The following EPHA7 variants were observed in gnomAD, a reference collection of about 807,000 sequenced individuals.
EPHA7 encodes ephrin type-A receptor 7.
Under a neutral mutation model 112.6 loss-of-function variants are expected in EPHA7, and 25 were observed. The observed-to-expected ratio is 0.22, with a 90% CI of 0.16 to 0.31. EPHA7 has a LOEUF of 0.31. Among genes scored for constraint, EPHA7 ranks in the 10% least tolerant of loss-of-function variants. EPHA7 has a pLI of 1.00. For synonymous variants in EPHA7, 437 were observed against 406.5 expected, an observed-to-expected ratio of 1.07 and a Z score of -0.90; for missense variants, 962 against 1,212.6, an observed-to-expected ratio of 0.79 and a Z score of 3.07.
chr6:93,387,956 T>C (rs1282869673), intron 3 of EPHA7, among the ~76,000 whole-genome samples: 5 of 151,754 alleles, frequency 3.3e-5, no homozygotes, highest in Admixed American at 6.6e-5. Flanking sequence ...GATAGATAGA[T>C]AGATAGATAG....
intron 3 of EPHA7, among the ~76,000 whole-genome samples, chr6:93,394,222 C>T (rs1183675971): frequency 6.6e-6 from 1 of 151,734 alleles, no homozygotes; most frequent in Non-Finnish European, 1.5e-5. Context: ...GCTTCATTGG[C>T]TGAATTTAGT....
At chr6:93,283,770 T>C (rs974046724) in intron 5 of EPHA7, among the ~76,000 whole-genome samples, 2 of 152,128 alleles carry the variant, frequency 1.3e-5, no homozygotes, top group African/African-American at 4.8e-5. Flanking sequence ...GCGGCTTCAT[T>C]CTTGAAGTCA....
At chr6:93,386,003 G>T (rs924553127) in intron 3 of EPHA7, among the ~76,000 whole-genome samples, 2 of 152,048 alleles carry the variant, frequency 1.3e-5, no homozygotes, top group East Asian at 3.9e-4. Context: ...GAACAGCATG[G>T]GCAGCAGAGG....
chr6:93,258,309 T>C, intron 10 of EPHA7, 25 bp from the exon 11 acceptor site: 1 of 1,513,898 alleles, frequency 6.6e-7, no homozygotes, highest in Non-Finnish European at 8.8e-7. Flanking sequence ...CAAGCAGGCA[T>C]ATTTTAGTTT....
At chr6:93,385,744 G>A (rs1777569637) in intron 3 of EPHA7, among the ~76,000 whole-genome samples, 1 of 152,060 alleles carries the variant, frequency 6.6e-6, no homozygotes, top group South Asian at 2.1e-4. Flanking sequence ...TAGATAGATA[G>A]ATAGATAATT....
intron 3 of EPHA7, among the ~76,000 whole-genome samples, chr6:93,391,642 G>A (rs1037832484): frequency 7.2e-5 from 11 of 151,740 alleles, no homozygotes; most frequent in African/African-American, 2.7e-4. Context: ...ATATATTTAT[G>A]AATATATCTA....
At chr6:93,418,040 C>T (rs1301626842) in intron 1 of EPHA7, among the ~76,000 whole-genome samples, 3 of 152,102 alleles carry the variant, frequency 2.0e-5, no homozygotes, top group Non-Finnish European at 4.4e-5. Flanking sequence ...CGATAACCAC[C>T]ATGACCTAAA....
chr6:93,272,566 A>G, intron 5 of EPHA7, 144 bp from the exon 6 acceptor site: 1 of 916,780 alleles, frequency 1.1e-6, no homozygotes, highest in Non-Finnish European at 1.6e-6. Context: ...TTCAGAAGCT[A>G]ATGAATATTC....
At chr6:93,397,845 G>C (rs890139634) in intron 3 of EPHA7, among the ~76,000 whole-genome samples, 1 of 151,926 alleles carries the variant, frequency 6.6e-6, no homozygotes, top group Admixed American at 6.6e-5. Context: ...GGAAGAAAAA[G>C]AAAGTGGCTG....
chr6:93,408,249 T>C (rs1408387520), intron 3 of EPHA7, among the ~76,000 whole-genome samples: 2 of 152,200 alleles, frequency 1.3e-5, no homozygotes, highest in African/African-American at 4.8e-5. Flanking sequence ...TGCATAATAT[T>C]GAAACTGCTC....
rs923507219 is a variant in EPHA7 at position 93,242,498 on chromosome 6, G to A, written c.*928C>T. The A allele has an allele frequency of 1.5e-5, 3 of 198,802 alleles. No individual in the cohort carries two copies. Among genetic ancestry groups the A allele is most frequent in the Non-Finnish European group, 3.1e-5 (3 of 95,940 alleles). 12.3% of individuals were successfully genotyped at this position (198,802 alleles called of 1,614,324 possible). ...CTTGATGTGCTCAGATTAATTTTTAGATAACACTGGATAGTTCTGCTTTCA... is the reference window on the plus strand; with the variant it reads ...CTTGATGTGCTCAGATTAATTTTTAAATAACACTGGATAGTTCTGCTTTCA... On this transcript the variant is annotated 3_prime_UTR_variant, in exon 17 of 17. Coordinates refer to ENST00000369303, the MANE Select transcript of EPHA7 (RefSeq NM_004440.4).
At chr6:93,377,365 C>G (rs2127966804) in intron 3 of EPHA7, among the ~76,000 whole-genome samples, 1 of 151,682 alleles carries the variant, frequency 6.6e-6, no homozygotes, top group African/African-American at 2.4e-5. Flanking sequence ...CCTAACTAAA[C>G]AAAATAAATA....
At chr6:93,419,074 G>A (rs1779395663) in intron 1 of EPHA7, among the ~76,000 whole-genome samples, 171 bp downstream of exon 1, 1 of 152,170 alleles carries the variant, frequency 6.6e-6, no homozygotes, top group Admixed American at 6.5e-5. Context: ...GCCCTGGTTC[G>A]CGCTCGCTGG....
At chr6:93,320,785 A>T (rs368581327) in intron 5 of EPHA7, among the ~76,000 whole-genome samples, 1 of 151,950 alleles carries the variant, frequency 6.6e-6, no homozygotes, top group Non-Finnish European at 1.5e-5. Flanking sequence ...CTAGTATTTA[A>T]TGCTTTAGAG....
At chr6:93,311,866 G>A (rs1466494804) in intron 5 of EPHA7, among the ~76,000 whole-genome samples, 2 of 152,130 alleles carry the variant, frequency 1.3e-5, no homozygotes, top group African/African-American at 4.8e-5. Context: ...TATCATTTTA[G>A]CAGGCATGAC....
chr6:93,367,512 AT>A (rs569386670), intron 3 of EPHA7, among the ~76,000 whole-genome samples: 217 of 152,248 alleles, frequency 1.4e-3, no homozygotes, highest in African/African-American at 4.9e-3. Flanking sequence ...TAAAATTCAT[AT>A]TTTGAATGAT....
intron 5 of EPHA7, among the ~76,000 whole-genome samples, chr6:93,328,840 G>A (rs1774451389): frequency 6.6e-6 from 1 of 151,070 alleles, no homozygotes; most frequent in Non-Finnish European, 1.5e-5. Flanking sequence ...AAGACTACAT[G>A]GGCAAAATAA....
intron 3 of EPHA7, among the ~76,000 whole-genome samples, chr6:93,384,118 T>A (rs1468536001): frequency 1.3e-5 from 2 of 152,182 alleles, no homozygotes; most frequent in African/African-American, 4.8e-5. Context: ...TTGGCTGAAG[T>A]GAATTTGGCT....
At chr6:93,269,447 A>G in intron 7 of EPHA7, 30 bp downstream of exon 7, 2 of 1,595,556 alleles carry the variant, frequency 1.3e-6, no homozygotes, top group South Asian at 2.2e-5. Context: ...AGTTATTGAG[A>G]GTAGGAATCC....
Sources: allele counts gnomAD v4.1 joint callset (sites outside exome capture counted in the v4.1 genomes callset), GRCh38; gene constraint gnomAD v4.1.1; transcripts MANE v1.5; gene names NCBI Gene and HGNC (gene_info 2026-07-23, HGNC 2026-07-21).